Variants in EOGT observed in about 807,000 individuals in gnomAD.
The protein encoded by EOGT is EGF domain specific O-linked N-acetylglucosamine transferase, also known as EGF domain-specific O-linked N-acetylglucosamine transferase.
EOGT carries 55 observed loss-of-function variants against 70.5 expected under a neutral mutation model. That is an observed-to-expected ratio of 0.78 (90% CI 0.63 to 0.98). EOGT has a LOEUF of 0.98. Ranked by LOEUF, EOGT falls within the 50% of genes least tolerant of loss-of-function variation. EOGT has a pLI of 0.00. For missense variants in EOGT, 703 were observed against 641.9 expected (o/e 1.10, Z -1.03); for synonymous variants, 246 against 217.1 (o/e 1.13, Z -1.17).
intron 3 of EOGT, 123 bp downstream of exon 3, chr3:69,011,813 C>T (rs778237528): frequency 1.3e-5 from 2 of 152,002 alleles, no homozygotes; most frequent in Non-Finnish European, 2.9e-5. Context: ...TAAATCTGAT[C>T]TGAATTACAA....
Position 68,978,199 on chromosome 3 carries a change from TAAAAC to T in EOGT, c.1437+129_1437+133del, listed in dbSNP as rs1200687773. 3 of 696,206 alleles carry T rather than the reference TAAAAC, an allele frequency of 4.3e-6. No individual in the cohort carries two copies. In the African/African-American group the frequency reaches 5.6e-5, roughly 13 times the overall value. 43.1% of individuals were successfully genotyped at this position (696,206 alleles called of 1,614,324 possible). On this transcript the variant is annotated intron_variant, in intron 17 of 17. Transcript: ENST00000383701. The stretch of plus-strand genomic sequence containing the variant: ...TTTTCTCCTATTTGCAAATATAAAA[TAAAAC>T]AATTCAGTATTCCAGAGAACAGTTT...
At chr3:68,988,102 A>C (rs1259149983) in intron 13 of EOGT, among the ~76,000 whole-genome samples, 193 bp downstream of exon 13, 1 of 152,162 alleles carries the variant, frequency 6.6e-6, no homozygotes, top group Non-Finnish European at 1.5e-5. Context: ...TTTTGCAGAG[A>C]TGGGGTTTTG....
intron 15 of EOGT, among the ~76,000 whole-genome samples, chr3:68,981,609 A>C (rs1182232526): frequency 6.6e-6 from 1 of 152,210 alleles, no homozygotes; most frequent in Non-Finnish European, 1.5e-5. Context: ...TAATTCTAGC[A>C]ACAGGAATTA....
At chr3:68,991,617 G>C (rs376206279) in intron 10 of EOGT, among the ~76,000 whole-genome samples, 1 of 152,118 alleles carries the variant, frequency 6.6e-6, no homozygotes, top group Non-Finnish European at 1.5e-5. Context: ...ATAATACTAA[G>C]GTGGCAATAT....
Position 68,979,694 on chromosome 3 carries a change from A to G in EOGT, c.1308T>C (p.Leu436=). The G allele has an allele frequency of 1.2e-6, 2 of 1,613,932 alleles. No homozygotes were observed. Among genetic ancestry groups the G allele is most frequent in the South Asian group, 1.1e-5 (1 of 91,070 alleles). ...GTTCAAATACAGCAGCCCAGTCTGG[A>G]AGGAAAAGTAAATGGGTCAGACCAG... is the stretch of plus-strand genomic sequence containing the variant. ...HGAGLTHLLF[L]PDWAAVFELY... Residue 436 remains leucine (L), a synonymous_variant, in exon 16 of 18, where the codon CTT becomes CTC. Coordinates refer to ENST00000383701, the MANE Select transcript of EOGT (RefSeq NM_001278689.2).
chr3:69,011,248 G>T (rs1316449633), intron 3 of EOGT, among the ~76,000 whole-genome samples: 1 of 127,184 alleles, frequency 7.9e-6, no homozygotes, highest in Non-Finnish European at 1.6e-5. Context: ...AATACACACT[G>T]GATGTTCATC....
intron 11 of EOGT, 140 bp downstream of exon 11, chr3:68,988,785 G>A: frequency 3.2e-6 from 2 of 634,600 alleles, no homozygotes; most frequent in Non-Finnish European, 5.2e-6. Flanking sequence ...CAACACTGAG[G>A]ATTCTAATTA....
At chr3:68,987,352 C>A (rs1230389793) in intron 14 of EOGT, 93 bp downstream of exon 14, 3 of 957,970 alleles carry the variant, frequency 3.1e-6, no homozygotes, top group African/African-American at 1.7e-5. Context: ...AAGTTTTAAA[C>A]CAAAGCTTTT....
At chr3:69,007,589 T>A (rs942926313) in intron 6 of EOGT, 124 bp downstream of exon 6, 15 of 387,418 alleles carry the variant, frequency 3.9e-5, no homozygotes, top group Middle Eastern at 8.6e-4. Flanking sequence ...GAGGCAGAGG[T>A]TGCAGTGAGC....
intron 7 of EOGT, among the ~76,000 whole-genome samples, chr3:69,004,723 C>CA (rs1231597413): frequency 6.6e-6 from 1 of 152,062 alleles, no homozygotes; most frequent in Non-Finnish European, 1.5e-5. Flanking sequence ...TCCATCCCCC[C>CA]ACCCATTCCC....
intron 3 of EOGT, among the ~76,000 whole-genome samples, chr3:69,010,217 T>C (rs965286914): frequency 6.6e-6 from 1 of 152,196 alleles, no homozygotes; most frequent in Admixed American, 6.5e-5. Flanking sequence ...AAACTTTTCC[T>C]GTAAAGGAGA....
At chr3:68,979,135 G>C (rs1328991020) in intron 16 of EOGT, among the ~76,000 whole-genome samples, 1 of 152,144 alleles carries the variant, frequency 6.6e-6, no homozygotes, top group Admixed American at 6.6e-5. Context: ...CTAAAATGGA[G>C]CACAGTGCCA....
In EOGT at chr3:68,977,755, G is replaced by C; in HGVS notation, c.1447C>G (p.Pro483Ala). The change falls in exon 18 of 18, where the codon CCA (proline) becomes GCA (alanine). Residue 483 changes from proline (P) to alanine (A), a missense_variant. Coordinates refer to ENST00000383701, the MANE Select transcript of EOGT (RefSeq NM_001278689.2). ...KVFPQDKGHH[P>A]TLGEHPKFTN... ...AACTTCGGGTGCTCCCCCAGGGTTG[G>C]ATGGTGGCCCTGTGAAAATAAACCA... The C allele has an allele frequency of 6.8e-6, 11 of 1,611,626 alleles. No homozygotes were observed. The highest frequency in any genetic ancestry group is 9.3e-6 in the Non-Finnish European group (11 of 1,179,034).
At chr3:69,009,584 G>T in intron 4 of EOGT, 53 bp downstream of exon 4, 1 of 1,431,262 alleles carries the variant, frequency 7.0e-7, no homozygotes, top group Non-Finnish European at 9.8e-7. Context: ...GAACCTGTAA[G>T]CCAGCTGAAA....
In EOGT at chr3:68,978,865, T is replaced by C. The variant is rs138139025; in HGVS notation, c.1335-430A>G. Among the ~76,000 whole-genome samples the C allele has an allele frequency of 1.9e-3, 292 of 152,328 alleles. 1 individual carries two copies. Among genetic ancestry groups the C allele is most frequent in the African/African-American group, 6.6e-3 (274 of 41,586 alleles). On this transcript the variant is annotated intron_variant, in intron 16 of 17. Coordinates refer to ENST00000383701, the MANE Select transcript of EOGT (RefSeq NM_001278689.2). ...CAGTTACATTTCTCTCCCTTCTCTCTCCTTTCTTCCATCCTTCCTTCTCTC... is the reference window on the plus strand; with the variant it reads ...CAGTTACATTTCTCTCCCTTCTCTCCCCTTTCTTCCATCCTTCCTTCTCTC...
At position 68,992,488 on chromosome 3, in the gene EOGT, T is replaced by C. The variant is rs2091021380; in HGVS notation, c.832-3471A>G. ...AAGCATGAAGTGGGTTCCCACAGTC[T>C]TGGGCAGCTCTGCCCCTGTGGTTTT... is the stretch of plus-strand genomic sequence containing the variant. On this transcript the variant is annotated intron_variant, in intron 10 of 17. Transcript: ENST00000383701. Among the ~76,000 whole-genome samples, 4 of 152,322 alleles carry C rather than the reference T, an allele frequency of 2.6e-5. No homozygotes were observed. In the South Asian group the frequency reaches 6.2e-4, roughly 24 times the overall value.
intron 10 of EOGT, among the ~76,000 whole-genome samples, chr3:68,994,172 A>C (rs1466123614): frequency 6.6e-6 from 1 of 152,204 alleles, no homozygotes; most frequent in Admixed American, 6.5e-5. Flanking sequence ...CATAACACAT[A>C]TATAACACAT....
Position 69,005,224 on chromosome 3 carries a change from C to G in EOGT, c.431G>C (p.Ser144Thr). ...LCQPKETSDS[S>T]LVCSRYLQYC... ...CTGAAGATAACGGGAACACACCAGA[C>G]TTGAGTCACTCTGAAGGTTGAGCAA... Residue 144 changes from serine to threonine, a missense_variant, in exon 7 of 18, where the codon AGT becomes ACT. Transcript: ENST00000383701. 2 of 1,589,570 alleles carry G rather than the reference C, an allele frequency of 1.3e-6. No individual in the cohort carries two copies. The highest frequency in any genetic ancestry group is 2.2e-5 in the South Asian group (2 of 89,610).
chr3:68,983,163 G>C (rs2090698525), intron 14 of EOGT, among the ~76,000 whole-genome samples: 1 of 152,174 alleles, frequency 6.6e-6, no homozygotes, highest in Non-Finnish European at 1.5e-5. Flanking sequence ...ATTCAGGGAA[G>C]TAAAGTGCTA....
Sources: allele counts gnomAD v4.1 joint callset (sites outside exome capture counted in the v4.1 genomes callset), GRCh38; gene constraint gnomAD v4.1.1; transcripts MANE v1.5; gene names NCBI Gene and HGNC (gene_info 2026-07-23, HGNC 2026-07-21).